Variants in FNDC3B observed in about 807,000 individuals in gnomAD.
The protein encoded by FNDC3B is fibronectin type III domain-containing protein 3B.
Under a neutral mutation model 151.5 loss-of-function variants are expected in FNDC3B, and 12 were observed. The ratio of observed to expected loss-of-function variants is 0.08; its 90% confidence interval spans 0.05 to 0.13. FNDC3B has a LOEUF of 0.13. Among genes scored for constraint, FNDC3B ranks in the 10% least tolerant of loss-of-function variants. FNDC3B has a pLI of 1.00. For synonymous variants in FNDC3B, 528 were observed against 549.0 expected (o/e 0.96, Z 0.54); for missense variants, 1,214 against 1,505.3 (o/e 0.81, Z 3.20).
intron 7 of FNDC3B, among the ~76,000 whole-genome samples, chr3:172,290,348 T>C (rs1730262040): frequency 6.6e-6 from 1 of 152,216 alleles, no homozygotes; most frequent in South Asian, 2.1e-4. Context: ...TATACAAGTA[T>C]ACTAGGTATT....
intron 1 of FNDC3B, among the ~76,000 whole-genome samples, chr3:172,078,083 C>T (rs1032040045): frequency 2.0e-5 from 3 of 152,104 alleles, no homozygotes; most frequent in Non-Finnish European, 2.9e-5. Context: ...TGGGATCAAG[C>T]GATTCTCCCG....
intron 6 of FNDC3B, among the ~76,000 whole-genome samples, chr3:172,267,556 T>C (rs1198470188): frequency 1.3e-5 from 2 of 152,218 alleles, no homozygotes; most frequent in Non-Finnish European, 2.9e-5. Context: ...CGTGCATGTG[T>C]ATTCACATGT....
At chr3:172,297,993 G>A (rs62283202) in intron 8 of FNDC3B, among the ~76,000 whole-genome samples, 37,572 of 152,010 alleles carry the variant, frequency 0.25, 4,819 homozygotes, top group East Asian at 0.34. Context: ...ACCCCTTCCC[G>A]CGCAGGAGCT....
chr3:172,045,794 C>CTATA (rs1164183832), intron 1 of FNDC3B, among the ~76,000 whole-genome samples: 4 of 146,768 alleles, frequency 2.7e-5, no homozygotes, highest in African/African-American at 5.0e-5. Context: ...CTCTCTCTCT[C>CTATA]TATATATATA....
At chr3:172,389,483 T>A (rs1407552570) in intron 25 of FNDC3B, among the ~76,000 whole-genome samples, 2 of 152,208 alleles carry the variant, frequency 1.3e-5, no homozygotes, top group East Asian at 3.8e-4. Context: ...ATTTGCAAAG[T>A]TTTAATATTT....
chr3:172,170,290 A>G (rs765513433), intron 3 of FNDC3B, among the ~76,000 whole-genome samples: 4 of 152,142 alleles, frequency 2.6e-5, no homozygotes, highest in Non-Finnish European at 4.4e-5. Context: ...GACAGGTCAT[A>G]TGTTTGTTTC....
rs527564229 is a variant in FNDC3B at position 172,378,315 on chromosome 3, G to T, written c.3054G>T (p.Gln1018His). 3 of 1,613,812 alleles carry T rather than the reference G, an allele frequency of 1.9e-6. No homozygotes were observed. The Middle Eastern group carries it at 4.9e-4, about 266-fold the overall frequency. Residue 1018 changes from glutamine to histidine, a missense_variant, in exon 24 of 26, where the codon CAG becomes CAT. Coordinates refer to ENST00000415807, the MANE Select transcript of FNDC3B (RefSeq NM_022763.4). The part of the protein sequence containing the change: ...YRGPSHTYKV[Q>H]RLTEFTCYSF... ...GACCCAGCCACACCTACAAGGTCCA[G>T]AGACTGACGGAATTCACATGCTACT...
At chr3:172,304,394 T>G (rs1369281492) in intron 9 of FNDC3B, among the ~76,000 whole-genome samples, 1 of 152,206 alleles carries the variant, frequency 6.6e-6, no homozygotes, top group Non-Finnish European at 1.5e-5. Flanking sequence ...TGTAGGCAAA[T>G]GCCCAGTCAT....
intron 3 of FNDC3B, among the ~76,000 whole-genome samples, chr3:172,144,057 T>C (rs967838697): frequency 3.3e-5 from 5 of 152,320 alleles, no homozygotes; most frequent in African/African-American, 1.2e-4. Context: ...GTCATGGTTC[T>C]GCAGGATATA....
At position 172,268,130 on chromosome 3, in the gene FNDC3B, C is replaced by T. The variant is rs527896406; in HGVS notation, c.790+16589C>T. On this transcript the variant is annotated intron_variant, in intron 6 of 25. Transcript: ENST00000415807. Reference sequence around the variant, plus strand: ...GAAAAGACATAGAAGATTTTAACTACATATGAAGTACTATTTTAAGTCATT... The same window carrying T: ...GAAAAGACATAGAAGATTTTAACTATATATGAAGTACTATTTTAAGTCATT... Among the ~76,000 whole-genome samples the T allele has an allele frequency of 4.6e-5, 7 of 152,324 alleles. No individual in the cohort carries two copies. In the East Asian group the frequency reaches 1.3e-3, roughly 29 times the overall value.
chr3:172,188,892 T>G (rs190424887), intron 3 of FNDC3B, among the ~76,000 whole-genome samples: 16 of 152,300 alleles, frequency 1.1e-4, no homozygotes, highest in Non-Finnish European at 2.2e-4. Flanking sequence ...CTTGCAACAT[T>G]TTAGACTGCA....
chr3:172,328,590 C>T (rs1732472849), intron 11 of FNDC3B, among the ~76,000 whole-genome samples: 1 of 152,240 alleles, frequency 6.6e-6, no homozygotes. Context: ...TCAGGCTGGG[C>T]AGTTTGGGCC....
intron 22 of FNDC3B, among the ~76,000 whole-genome samples, chr3:172,361,668 G>T (rs77944782): frequency 0.017 from 2,609 of 152,166 alleles, 74 homozygotes; most frequent in African/African-American, 0.06. Flanking sequence ...GACTCTTCCA[G>T]TGTCTGCCCA....
intron 3 of FNDC3B, among the ~76,000 whole-genome samples, chr3:172,165,431 C>G (rs1348208148): frequency 1.3e-5 from 2 of 152,176 alleles, no homozygotes; most frequent in Non-Finnish European, 2.9e-5. Flanking sequence ...TCAGCAGATT[C>G]TTTACTGACA....
chr3:172,168,712 T>A lies in FNDC3B; in HGVS notation c.187+35166T>A, dbSNP rs1576927785. Among the ~76,000 whole-genome samples the A allele has an allele frequency of 4.3e-5, 6 of 138,064 alleles. No individual in the cohort carries two copies. The South Asian group carries it at 1.4e-3, about 31-fold the overall frequency. 90.6% of individuals were successfully genotyped at this position (138,064 alleles called of 152,430 possible). ...AATACTGTGCTGCTGTGTATCTTTT[T>A]CTTTTACTTTTTTTTTTTTTTTGAG... is the stretch of plus-strand genomic sequence containing the variant. On this transcript the variant is annotated intron_variant, in intron 3 of 25. Transcript: ENST00000415807.
At chr3:172,132,106 G>C (rs1442871205) in intron 2 of FNDC3B, among the ~76,000 whole-genome samples, 4 of 152,124 alleles carry the variant, frequency 2.6e-5, no homozygotes, top group Non-Finnish European at 5.9e-5. Flanking sequence ...AACACATAGT[G>C]GGGGACTTGA....
chr3:172,354,747 C>T (rs913317946), intron 22 of FNDC3B, among the ~76,000 whole-genome samples: 3 of 151,778 alleles, frequency 2.0e-5, no homozygotes, highest in Admixed American at 2.0e-4. Context: ...TTTTTCTGTC[C>T]TATAAATTGG....
chr3:172,316,510 AT>A (rs925262082), intron 11 of FNDC3B: 2 of 427,620 alleles, frequency 4.7e-6, no homozygotes, highest in Admixed American at 5.6e-5. Flanking sequence ...ATCTGGCCTT[AT>A]TCTTGAAAAC....
At chr3:172,132,574 T>G (rs1052257446) in intron 2 of FNDC3B, among the ~76,000 whole-genome samples, 1 of 152,114 alleles carries the variant, frequency 6.6e-6, no homozygotes, top group Non-Finnish European at 1.5e-5. Context: ...CCTGGTTAAT[T>G]TTTGTATTTT....
Sources: gnomAD v4.1 joint callset for allele counts (sites outside exome capture counted in the v4.1 genomes callset) on GRCh38, gnomAD v4.1.1 for gene constraint, MANE v1.5 for transcripts, NCBI Gene and HGNC (gene_info 2026-07-23, HGNC 2026-07-21) for gene names.